The following PDCD11 variants were observed in gnomAD, a reference collection of about 807,000 sequenced individuals.
PDCD11 encodes the protein programmed cell death 11.
In PDCD11, 97 loss-of-function variants were observed where a neutral mutation model predicts 198.9. The ratio of observed to expected loss-of-function variants is 0.49; its 90% confidence interval spans 0.41 to 0.58. The LOEUF (loss-of-function observed/expected upper bound fraction) is 0.58, where lower values mean the gene tolerates loss of function less well. Among genes scored for constraint, PDCD11 ranks in the 20% least tolerant of loss-of-function variants. The pLI is 0.00. For synonymous variants in PDCD11, 893 were observed against 918.0 expected (o/e 0.97, Z 0.49); for missense variants, 2,102 against 2,312.7 (o/e 0.91, Z 1.87).
At chr10:103,403,090 T>G in intron 3 of PDCD11, 28 bp from the exon 4 acceptor site, 1 of 1,608,338 alleles carries the variant, frequency 6.2e-7, no homozygotes, top group Non-Finnish European at 8.5e-7. Flanking sequence ...CCATCCTTAT[T>G]GTACACATTT....
At chr10:103,444,360 C>T in intron 34 of PDCD11, 157 bp from the exon 35 acceptor site, 1 of 731,354 alleles carries the variant, frequency 1.4e-6, no homozygotes, top group Non-Finnish European at 2.3e-6. Context: ...GTATTTGGCC[C>T]CAAACCCACC....
intron 4 of PDCD11, among the ~76,000 whole-genome samples, chr10:103,404,279 A>C (rs1284568744): frequency 6.7e-6 from 1 of 150,202 alleles, no homozygotes; most frequent in Non-Finnish European, 1.5e-5. Flanking sequence ...GTGAGCCATC[A>C]TGCCTGACCT....
intron 1 of PDCD11, among the ~76,000 whole-genome samples, chr10:103,397,183 G>A (rs2093440747): frequency 6.8e-6 from 1 of 147,782 alleles, no homozygotes; most frequent in South Asian, 2.1e-4. Context: ...TGGTTCTCAT[G>A]GTTTCTCTGC....
chr10:103,432,649 C>T (rs2133736073), intron 22 of PDCD11, among the ~76,000 whole-genome samples: 1 of 152,298 alleles, frequency 6.6e-6, no homozygotes, highest in East Asian at 1.9e-4. Context: ...AGGAAAGCAG[C>T]CTGTACTGGT....
At chr10:103,415,270 T>A in intron 12 of PDCD11, 119 bp downstream of exon 12, 6 of 984,170 alleles carry the variant, frequency 6.1e-6, no homozygotes, top group Non-Finnish European at 9.2e-6. Context: ...TGTCTTGTGC[T>A]GTACCTGGCA....
intron 3 of PDCD11, among the ~76,000 whole-genome samples, chr10:103,402,385 T>C (rs2030152358): frequency 6.6e-6 from 1 of 152,132 alleles, no homozygotes; most frequent in Admixed American, 6.5e-5. Flanking sequence ...TATGTACACA[T>C]GTGTATTTCT....
At chr10:103,440,628 G>T (rs955048133) in intron 29 of PDCD11, 47 bp downstream of exon 29, 2 of 1,609,694 alleles carry the variant, frequency 1.2e-6, no homozygotes, top group Admixed American at 1.7e-5. Context: ...CTCCTGGAGG[G>T]ACAGCCATGA....
Position 103,445,448 on chromosome 10 carries a change from C to A in PDCD11, c.5515C>A (p.Leu1839Met). The change falls in exon 36 of 36, where the codon CTG becomes ATG. Residue 1839 changes from leucine to methionine, a missense_variant. Leu to Met is a conservative substitution (Grantham distance 15). Coordinates refer to ENST00000369797, the MANE Select transcript of PDCD11 (RefSeq NM_014976.2). The stretch of plus-strand genomic sequence containing the variant: ...AATGAAGTTCTTCTTCAAGCGCTAC[C>A]TGGACTACGAGAAGCAGCATGGCAC... ...KRMKFFFKRY[L>M]DYEKQHGTEK... The A allele has an allele frequency of 6.2e-7, 1 of 1,614,206 alleles. No homozygotes were observed. Among genetic ancestry groups the A allele is most frequent in the East Asian group, 2.2e-5 (1 of 44,878 alleles).
At position 103,414,315 on chromosome 10, in the gene PDCD11, T is replaced by A; in HGVS notation, c.1356T>A (p.Pro452=). The stretch of plus-strand genomic sequence containing the variant: ...ACCTTAGATATCATGACATCGAACC[T>A]GGGGCAGTGGTAAAGGTAAGACCTC... ...AQYLRYHDIE[P]GAVVKGTVLT... is the part of the protein sequence containing the mutation. The change falls in exon 11 of 36, where the codon CCT becomes CCA. Residue 452 remains proline (P), a synonymous_variant. Coordinates refer to ENST00000369797, the MANE Select transcript of PDCD11 (RefSeq NM_014976.2). 6.2e-7 allele frequency: 1 copy of A among 1,613,246 alleles called. No individual in the cohort carries two copies. Among genetic ancestry groups the A allele is most frequent in the South Asian group, 1.1e-5 (1 of 91,056 alleles).
Position 103,425,157 on chromosome 10 carries a change from C to G in PDCD11, c.2937C>G (p.Thr979=). ...AGGTGGGACAGGGTGTCTCCCTAAC[C>G]CTCAAGACCACAGAACCAGGAGTGA... is the stretch of plus-strand genomic sequence containing the variant. The part of the protein sequence containing the change: ...KLQVGQGVSL[T]LKTTEPGVTG... Residue 979 remains threonine (T), a synonymous_variant, in exon 20 of 36, where the codon ACC becomes ACG. Coordinates refer to ENST00000369797, the MANE Select transcript of PDCD11 (RefSeq NM_014976.2). 6.2e-7 allele frequency: 1 copy of G among 1,614,152 alleles called. No individual in the cohort carries two copies. Among genetic ancestry groups the G allele is most frequent in the East Asian group, 2.2e-5 (1 of 44,874 alleles).
chr10:103,408,572 G>T (rs2030603112), intron 7 of PDCD11, among the ~76,000 whole-genome samples: 1 of 151,922 alleles, frequency 6.6e-6, no homozygotes, highest in South Asian at 2.1e-4. Context: ...ACAGAGTCTT[G>T]CTCTGTCACC....
At position 103,444,645 on chromosome 10, in the gene PDCD11, G is replaced by A. The variant is rs776031490; in HGVS notation, c.5407G>A (p.Asp1803Asn). Residue 1803 changes from aspartate to asparagine, a missense_variant, in exon 35 of 36, where the codon GAC becomes AAC. By Grantham distance (23) the Asp-to-Asn change is conservative (BLOSUM62 1). Coordinates refer to ENST00000369797, the MANE Select transcript of PDCD11 (RefSeq NM_014976.2). The stretch of plus-strand genomic sequence containing the variant: ...CACAGATGTCTGGTCGGTCTATATC[G>A]ACATGACCATCAAGCACGGCAGCCA... ...KRTDVWSVYI[D>N]MTIKHGSQKD... 5.6e-6 allele frequency: 9 copies of A among 1,614,100 alleles called. No individual in the cohort carries two copies. Among genetic ancestry groups the A allele is most frequent in the South Asian group, 3.3e-5 (3 of 91,074 alleles).
chr10:103,419,433 C>T, intron 15 of PDCD11, 105 bp from the exon 16 acceptor site: 4 of 1,240,444 alleles, frequency 3.2e-6, no homozygotes, highest in Non-Finnish European at 4.5e-6. Flanking sequence ...GCTGTAGCAG[C>T]AGAGATCAGC....
chr10:103,417,225 G>A (rs1452978129), intron 13 of PDCD11, among the ~76,000 whole-genome samples: 1 of 151,540 alleles, frequency 6.6e-6, no homozygotes, highest in Non-Finnish European at 1.5e-5. Flanking sequence ...AGGCTGGAGT[G>A]CAATGGCGTG....
At chr10:103,413,570 G>A (rs2133696184) in intron 9 of PDCD11, among the ~76,000 whole-genome samples, 1 of 152,268 alleles carries the variant, frequency 6.6e-6, no homozygotes, top group Admixed American at 6.5e-5. Context: ...CCAGACCAGG[G>A]CCCAGCAGAG....
In PDCD11 at chr10:103,444,570, G is replaced by A; in HGVS notation, c.5332G>A (p.Glu1778Lys). ...AQLEFQLGDA[E>K]RAKAIFENTL... ...GCTTGAGTTTCAGCTGGGGGATGCA[G>A]AGCGGGCCAAAGCCATTTTTGAGAA... The change falls in exon 35 of 36, where the codon GAG becomes AAG. Residue 1778 changes from glutamate (E) to lysine (K), a missense_variant. By Grantham distance (56) the Glu-to-Lys change is moderately conservative. Transcript: ENST00000369797. 6.2e-7 allele frequency: 1 copy of A among 1,614,190 alleles called. No homozygotes were observed. Among genetic ancestry groups the A allele is most frequent in the Non-Finnish European group, 8.5e-7 (1 of 1,180,028 alleles).
chr10:103,425,291 C>T lies in PDCD11; in HGVS notation c.3071C>T (p.Thr1024Ile), dbSNP rs2031639485. 1 of 1,614,150 alleles carries T rather than the reference C, an allele frequency of 6.2e-7. No individual in the cohort carries two copies. The highest frequency in any genetic ancestry group is 2.2e-5 in the East Asian group (1 of 44,872). Residue 1024 changes from threonine to isoleucine, a missense_variant, in exon 20 of 36, where the codon ACT (threonine) becomes ATT (isoleucine). Transcript: ENST00000369797. ...GATGAAGAAGTGGATCCAGCTCTGACTGTAGGGACCATAAAGAAGCACACC... is the reference window on the plus strand; with the variant it reads ...GATGAAGAAGTGGATCCAGCTCTGATTGTAGGGACCATAAAGAAGCACACC... ...DEDEEVDPALTVGTIKKHTLS... is the reference protein window; with the variant it reads ...DEDEEVDPALIVGTIKKHTLS...
At chr10:103,438,905 G>C (rs2032265134) in intron 27 of PDCD11, 97 bp downstream of exon 27, 1 of 1,289,064 alleles carries the variant, frequency 7.8e-7, no homozygotes, top group Non-Finnish European at 1.1e-6. Flanking sequence ...TCTTTGATGG[G>C]AATATGAAGG....
intron 19 of PDCD11, 44 bp from the exon 20 acceptor site, chr10:103,424,940 T>C (rs2031616292): frequency 2.5e-6 from 4 of 1,599,820 alleles, no homozygotes; most frequent in Non-Finnish European, 3.4e-6. Flanking sequence ...TGAGTGACCA[T>C]GCTGTGTAAG....
Sources: gnomAD v4.1 joint callset for allele counts (sites outside exome capture counted in the v4.1 genomes callset) on GRCh38, gnomAD v4.1.1 for gene constraint, MANE v1.5 for transcripts, NCBI Gene and HGNC (gene_info 2026-07-23, HGNC 2026-07-21) for gene names.